The following SPTLC2 variants were observed in gnomAD, a reference collection of about 807,000 sequenced individuals.
SPTLC2 encodes the protein serine palmitoyltransferase long chain base subunit 2, also known as serine palmitoyltransferase 2.
SPTLC2 carries 21 observed loss-of-function variants against 62.0 expected under a neutral mutation model. The ratio of observed to expected loss-of-function variants is 0.34; its 90% confidence interval spans 0.24 to 0.49. The LOEUF (loss-of-function observed/expected upper bound fraction) is 0.49. Ranked by LOEUF, SPTLC2 falls within the 20% of genes least tolerant of loss-of-function variation. The pLI is 0.99. For synonymous variants in SPTLC2, 261 were observed against 261.8 expected (o/e 1.00, Z 0.03); for missense variants, 511 against 713.0 (o/e 0.72, Z 3.23).
At chr14:77,535,403 G>A (rs1203761124) in intron 9 of SPTLC2, among the ~76,000 whole-genome samples, 1 of 152,164 alleles carries the variant, frequency 6.6e-6, no homozygotes, top group East Asian at 1.9e-4. Flanking sequence ...GGCCTTTGGG[G>A]AGGGTTCTTA....
intron 10 of SPTLC2, 43 bp downstream of exon 10, chr14:77,521,403 A>G (rs771484052): frequency 5.0e-6 from 8 of 1,613,374 alleles, no homozygotes; most frequent in African/African-American, 1.3e-5. Flanking sequence ...CATCACAGAT[A>G]AGGATAAGGA....
intron 2 of SPTLC2, among the ~76,000 whole-genome samples, chr14:77,580,477 C>CAAA (rs370432060): frequency 4.6e-5 from 5 of 109,864 alleles, no homozygotes; most frequent in African/African-American, 8.3e-5. Flanking sequence ...GACTCCATAT[C>CAAA]AAAAAAAAAA....
intron 9 of SPTLC2, among the ~76,000 whole-genome samples, chr14:77,541,530 G>T (rs1271182799): frequency 6.6e-6 from 1 of 152,232 alleles, no homozygotes; most frequent in Non-Finnish European, 1.5e-5. Flanking sequence ...TTAGAAGCGG[G>T]GGGTCCATGT....
intron 2 of SPTLC2, among the ~76,000 whole-genome samples, chr14:77,586,008 A>G (rs901968938): frequency 6.6e-6 from 1 of 152,168 alleles, no homozygotes; most frequent in African/African-American, 2.4e-5. Flanking sequence ...CAAGGTGGAA[A>G]AGTGTGTTGG....
At chr14:77,590,755 TAGAC>T (rs1203518745) in intron 2 of SPTLC2, among the ~76,000 whole-genome samples, 1 of 152,092 alleles carries the variant, frequency 6.6e-6, no homozygotes, top group Non-Finnish European at 1.5e-5. Context: ...TAAAGTATGT[TAGAC>T]AGTGACAAAT....
intron 1 of SPTLC2, among the ~76,000 whole-genome samples, chr14:77,609,068 G>A (rs997552116): frequency 1.2e-4 from 18 of 151,932 alleles, no homozygotes; most frequent in African/African-American, 1.7e-4. Context: ...AGAGAGGGAT[G>A]GGAAAGTTCA....
chr14:77,557,200 A>T (rs2079589186), intron 6 of SPTLC2, 54 bp from the exon 7 acceptor site: 3 of 1,418,480 alleles, frequency 2.1e-6, no homozygotes, highest in East Asian at 4.6e-5. Context: ...TCCTAACTTT[A>T]TTCCGGAAAT....
chr14:77,615,623 G>T (rs1308085899), intron 1 of SPTLC2, among the ~76,000 whole-genome samples: 1 of 152,170 alleles, frequency 6.6e-6, no homozygotes. Context: ...TGTCAGTCCA[G>T]ACCACTGTAA....
intron 9 of SPTLC2, among the ~76,000 whole-genome samples, chr14:77,546,038 C>G (rs904897660): frequency 1.3e-5 from 2 of 152,170 alleles, no homozygotes; most frequent in Non-Finnish European, 2.9e-5. Context: ...ATTTGTTGGG[C>G]TGATTACTCA....
intron 5 of SPTLC2, among the ~76,000 whole-genome samples, chr14:77,568,090 A>C (rs543170208): frequency 1.3e-5 from 2 of 152,194 alleles, no homozygotes; most frequent in Non-Finnish European, 2.9e-5. Context: ...ACCTGTATAA[A>C]CGTTTAATGC....
chr14:77,561,590 G>A (rs934549619), intron 6 of SPTLC2, among the ~76,000 whole-genome samples: 13 of 149,446 alleles, frequency 8.7e-5, no homozygotes, highest in African/African-American at 3.2e-4. Flanking sequence ...CAGCCTGGGT[G>A]ACAGAGCGAG....
In SPTLC2 at chr14:77,576,761, AC is replaced by A. The variant is rs749351547; in HGVS notation, c.631+5del. 6.2e-7 allele frequency: 1 copy of A among 1,614,186 alleles called. No individual in the cohort carries two copies. The highest frequency in any genetic ancestry group is 8.5e-7 in the Non-Finnish European group (1 of 1,180,030). On this transcript the variant is annotated splice_donor_5th_base_variant and intron_variant, in intron 4 of 11. Coordinates refer to ENST00000216484, the MANE Select transcript of SPTLC2 (RefSeq NM_004863.4). The stretch of plus-strand genomic sequence containing the variant: ...CAGCAGCTGGCCAAATACAGCTTTC[AC>A]TTACCAATTTCCTGCCGAGTACTGC...
intron 9 of SPTLC2, among the ~76,000 whole-genome samples, chr14:77,542,917 T>G (rs2140010258): frequency 6.6e-6 from 1 of 152,264 alleles, no homozygotes; most frequent in East Asian, 1.9e-4. Context: ...ATCAGAAGTT[T>G]AAAAGAATGG....
intron 2 of SPTLC2, among the ~76,000 whole-genome samples, chr14:77,582,839 C>T (rs1179888495): frequency 1.3e-5 from 2 of 152,314 alleles, no homozygotes; most frequent in East Asian, 1.9e-4. Context: ...GAAATCTCAG[C>T]TCCCCTTTAC....
At chr14:77,526,584 A>T in intron 9 of SPTLC2, among the ~76,000 whole-genome samples, 1 of 152,126 alleles carries the variant, frequency 6.6e-6, no homozygotes, top group East Asian at 1.9e-4. Flanking sequence ...GTTAGAATAA[A>T]ACTATTTTTA....
intron 1 of SPTLC2, among the ~76,000 whole-genome samples, chr14:77,607,126 G>A (rs2079909793): frequency 6.6e-6 from 1 of 152,068 alleles, no homozygotes; most frequent in African/African-American, 2.4e-5. Context: ...AGGAAGTAAG[G>A]AAATCATTTT....
At chr14:77,596,196 G>A (rs192589362) in intron 2 of SPTLC2, among the ~76,000 whole-genome samples, 12 of 152,180 alleles carry the variant, frequency 7.9e-5, no homozygotes, top group African/African-American at 1.7e-4. Flanking sequence ...AAAATTAGCC[G>A]GGCACGGTGG....
intron 2 of SPTLC2, among the ~76,000 whole-genome samples, chr14:77,591,736 A>ATGTATGTATGTAT (rs2079818697): frequency 6.6e-6 from 1 of 151,798 alleles, no homozygotes; most frequent in South Asian, 2.1e-4. Context: ...GTATGTATTT[A>ATGTATGTATGTAT]TTTTTAGACG....
chr14:77,589,430 T>C lies in SPTLC2; in HGVS notation c.327+7756A>G, dbSNP rs2079802657. Among the ~76,000 whole-genome samples the C allele has an allele frequency of 1.3e-5, 2 of 152,008 alleles. 1 individual carries two copies. Among genetic ancestry groups the C allele is most frequent in the East Asian group, 3.9e-4 (2 of 5,184 alleles). ...TACCTCGACTACAAATACTTCAAAA[T>C]ACTTTACATTGTTACTGTTACCACC... On this transcript the variant is annotated intron_variant, in intron 2 of 11. Coordinates refer to ENST00000216484, the MANE Select transcript of SPTLC2 (RefSeq NM_004863.4).
Sources: gnomAD v4.1 joint callset for allele counts (sites outside exome capture counted in the v4.1 genomes callset) on GRCh38, gnomAD v4.1.1 for gene constraint, MANE v1.5 for transcripts, NCBI Gene and HGNC (gene_info 2026-07-23, HGNC 2026-07-21) for gene names.